Variants in CACNA1B observed in about 807,000 individuals in gnomAD.
The protein encoded by CACNA1B is calcium voltage-gated channel subunit alpha1 B, also known as voltage-dependent N-type calcium channel subunit alpha-1B.
CACNA1B carries 70 observed loss-of-function variants against 247.2 expected under a neutral mutation model. The observed-to-expected ratio is 0.28, with a 90% CI of 0.23 to 0.35. The LOEUF (loss-of-function observed/expected upper bound fraction) is 0.35, where lower values mean the gene tolerates loss of function less well. CACNA1B is among the 10% of genes least tolerant of loss of function. The probability of loss-of-function intolerance (pLI) is 1.00; values close to 1 mark genes in which losing one functional copy is unlikely to be tolerated. For synonymous variants in CACNA1B, 1,231 were observed against 1,294.4 expected (o/e 0.95, Z 1.05); for missense variants, 2,367 against 3,197.4 (o/e 0.74, Z 6.26).
chr9:137,927,910 T>C (rs1957569503), intron 6 of CACNA1B, among the ~76,000 whole-genome samples: 1 of 152,230 alleles, frequency 6.6e-6, no homozygotes, highest in Admixed American at 6.5e-5. Flanking sequence ...TTTTCTTCTT[T>C]AGTCTGTTAA....
intron 42 of CACNA1B, among the ~76,000 whole-genome samples, chr9:138,117,447 C>T (rs1007746613): frequency 2.0e-5 from 3 of 152,198 alleles, no homozygotes; most frequent in African/African-American, 7.2e-5. Flanking sequence ...CCAGCCTGTC[C>T]TCTCCATGAC....
intron 36 of CACNA1B, among the ~76,000 whole-genome samples, chr9:138,080,447 C>T (rs1213530284): frequency 6.6e-6 from 1 of 152,172 alleles, no homozygotes; most frequent in Non-Finnish European, 1.5e-5. Context: ...ATTACATTAT[C>T]ATTGCAAGAT....
At chr9:138,103,240 C>T (rs1288273791) in intron 38 of CACNA1B, among the ~76,000 whole-genome samples, 1 of 152,202 alleles carries the variant, frequency 6.6e-6, no homozygotes, top group African/African-American at 2.4e-5. Flanking sequence ...CTGGGTCTGG[C>T]CCTGGGGGCA....
In CACNA1B at chr9:138,114,479, G is replaced by A. The variant is rs188868966; in HGVS notation, c.5638G>A (p.Gly1880Ser). The change falls in exon 41 of 47, where the codon GGC (glycine) becomes AGC (serine). Residue 1880 changes from glycine (G) to serine (S), a missense_variant. Around this residue, in one of 12 missense-constraint regions of CACNA1B, gnomAD observed 773 missense variants for 779.4 expected, o/e 0.99. Coordinates refer to ENST00000371372, the MANE Select transcript of CACNA1B (RefSeq NM_000718.4). ...AGACCAGATGCAGCAGGCTCCTGGA[G>A]GCCTCTCCCAGGTAGCTGGCGGCCC... ...TRDQMQQAPG[G>S]LSQMGPVSLF... 66 of 1,563,722 alleles carry A rather than the reference G, an allele frequency of 4.2e-5. No individual in the cohort carries two copies. In the East Asian group the frequency reaches 1.3e-3, roughly 32 times the overall value.
chr9:138,035,051 T>C (rs927364392), intron 20 of CACNA1B, among the ~76,000 whole-genome samples: 1 of 152,226 alleles, frequency 6.6e-6, no homozygotes, highest in South Asian at 2.1e-4. Context: ...AGCTAGCAAC[T>C]TAAAACTTAT....
intron 6 of CACNA1B, among the ~76,000 whole-genome samples, chr9:137,922,369 T>C (rs1213483103): frequency 4.1e-5 from 6 of 146,504 alleles, no homozygotes; most frequent in African/African-American, 1.5e-4. Context: ...GAGTAAAGCG[T>C]TCGGAGAACA....
In CACNA1B at chr9:138,078,171, C is replaced by G; in HGVS notation, c.5007C>G (p.Ala1669=). Residue 1669 remains alanine (A), a synonymous_variant, in exon 36 of 47, where the codon GCC becomes GCG. Coordinates refer to ENST00000371372, the MANE Select transcript of CACNA1B (RefSeq NM_000718.4). ...TGCTGTCCTGCCTGAGCAACCAGGC[C>G]TGTGATGAGCAGGCCAATGCCACCG... The part of the protein sequence containing the change: ...EIMLSCLSNQ[A]CDEQANATEC... 1 of 1,613,956 alleles carries G rather than the reference C, an allele frequency of 6.2e-7. No homozygotes were observed. The highest frequency in any genetic ancestry group is 2.2e-5 in the East Asian group (1 of 44,872).
intron 18 of CACNA1B, among the ~76,000 whole-genome samples, chr9:138,019,710 A>G (rs1958819030): frequency 6.6e-6 from 1 of 152,170 alleles, no homozygotes; most frequent in Non-Finnish European, 1.5e-5. Flanking sequence ...TTCCACGAGC[A>G]CTGTTTGCTG....
At position 138,076,220 on chromosome 9, in the gene CACNA1B, C is replaced by T. The variant is rs372505267; in HGVS notation, c.4949+310C>T. On this transcript the variant is annotated intron_variant, in intron 35 of 46. Transcript: ENST00000371372. ...TCCCTGGCGACAGCTTGGGAGCCTCCGGTGAGGCTCCAGGCAGAGGTCTGG... is the reference window on the plus strand; with the variant it reads ...TCCCTGGCGACAGCTTGGGAGCCTCTGGTGAGGCTCCAGGCAGAGGTCTGG... Among the ~76,000 whole-genome samples the T allele has an allele frequency of 1.3e-3, 195 of 152,284 alleles. 1 individual carries two copies. The highest frequency in any genetic ancestry group is 3.7e-3 in the African/African-American group (154 of 41,560).
At chr9:138,090,733 A>AAAAAAAAAAAAAAAAAAAAG (rs1960849739) in intron 36 of CACNA1B, among the ~76,000 whole-genome samples, 1 of 141,790 alleles carries the variant, frequency 7.1e-6, no homozygotes, top group Non-Finnish European at 1.6e-5. Context: ...AAAAAAAAAA[A>AAAAAAAAAAAAAAAAAAAAG]ATCAGATTAA....
chr9:137,976,665 GAGGGC>G (rs1291679164), intron 12 of CACNA1B, among the ~76,000 whole-genome samples: 1 of 149,096 alleles, frequency 6.7e-6, no homozygotes, highest in East Asian at 2.0e-4. Context: ...GCTGAGCACA[GAGGGC>G]AGGGCAGGGC....
chr9:137,924,971 G>C (rs1957533174), intron 6 of CACNA1B, among the ~76,000 whole-genome samples: 1 of 152,184 alleles, frequency 6.6e-6, no homozygotes, highest in South Asian at 2.1e-4. Context: ...GTGACCAGGG[G>C]GTTCCTGATA....
chr9:138,053,218 G>C (rs976349665), intron 25 of CACNA1B, among the ~76,000 whole-genome samples: 1 of 152,230 alleles, frequency 6.6e-6, no homozygotes, highest in Non-Finnish European at 1.5e-5. Context: ...TGGTGCAGCT[G>C]GGTCTGGACT....
At position 137,914,846 on chromosome 9, in the gene CACNA1B, C is replaced by T. The variant is rs532639291; in HGVS notation, c.775+40C>T. ...CACCCTCCAGCACAGGCAAGTGCCA[C>T]GGATGCGTTCATCCAGGAGATGGGC... is the stretch of plus-strand genomic sequence containing the variant. On this transcript the variant is annotated intron_variant, in intron 5 of 46. Transcript: ENST00000371372. The surrounding 1 kb of genome is among the most constrained non-coding windows in gnomAD (Gnocchi z 4.3). 15 of 1,606,742 alleles carry T rather than the reference C, an allele frequency of 9.3e-6. No individual in the cohort carries two copies. The highest frequency in any genetic ancestry group is 5.3e-5 in the African/African-American group (4 of 74,974).
In CACNA1B at chr9:137,914,062, T is replaced by G. The variant is rs1264947214; in HGVS notation, c.623-592T>G. On this transcript the variant is annotated intron_variant, in intron 4 of 46. Coordinates refer to ENST00000371372, the MANE Select transcript of CACNA1B (RefSeq NM_000718.4). The surrounding 1 kb of genome is among the most constrained non-coding windows in gnomAD (Gnocchi z 4.3). Reference sequence around the variant, plus strand: ...AGAACATTCCCAGGGGCAGGTCTTTTTTGCCTCACTTTCTCCCAAGGAGTT... The same window carrying G: ...AGAACATTCCCAGGGGCAGGTCTTTGTTGCCTCACTTTCTCCCAAGGAGTT... Among the ~76,000 whole-genome samples, 1 of 152,140 alleles carries G rather than the reference T, an allele frequency of 6.6e-6. No homozygotes were observed. Among genetic ancestry groups the G allele is most frequent in the Non-Finnish European group, 1.5e-5 (1 of 68,012 alleles).
intron 6 of CACNA1B, among the ~76,000 whole-genome samples, chr9:137,939,775 C>T (rs1433856388): frequency 1.3e-5 from 2 of 151,244 alleles, no homozygotes; most frequent in African/African-American, 2.4e-5. Flanking sequence ...TGCACTCTAG[C>T]CTGGGCAACT....
chr9:138,065,827 G>A lies in CACNA1B; in HGVS notation c.4669-3931G>A, dbSNP rs548222657. On this transcript the variant is annotated intron_variant, in intron 31 of 46. Coordinates refer to ENST00000371372, the MANE Select transcript of CACNA1B (RefSeq NM_000718.4). ...CCTGTGGATGCTAATGATATCTTGC[G>A]GTATCGTTATTGCACCCCTTTCAAC... Among the ~76,000 whole-genome samples, 29 of 152,240 alleles carry A rather than the reference G, an allele frequency of 1.9e-4. No homozygotes were observed. In the South Asian group the frequency reaches 5.0e-3, roughly 26 times the overall value.
At chr9:137,945,907 C>T (rs1215400465) in intron 6 of CACNA1B, among the ~76,000 whole-genome samples, 1 of 152,234 alleles carries the variant, frequency 6.6e-6, no homozygotes, top group African/African-American at 2.4e-5. Flanking sequence ...CAACCTCCGC[C>T]TTCCAGGTTC....
At chr9:137,925,654 T>C in intron 6 of CACNA1B, among the ~76,000 whole-genome samples, 1 of 152,168 alleles carries the variant, frequency 6.6e-6, no homozygotes, top group Non-Finnish European at 1.5e-5. Context: ...AATCATACAA[T>C]TTGCAAACAG....
Sources: allele counts gnomAD v4.1 joint callset (sites outside exome capture counted in the v4.1 genomes callset), GRCh38; gene constraint gnomAD v4.1.1; regional missense constraint gnomAD v4.1.1; non-coding constraint Gnocchi (gnomAD v3.1); transcripts MANE v1.5; gene names NCBI Gene and HGNC (gene_info 2026-07-23, HGNC 2026-07-21).